The following EYA1 variants were observed in gnomAD, a reference collection of about 807,000 sequenced individuals.
EYA1 encodes protein phosphatase EYA1.
EYA1 carries 16 observed loss-of-function variants against 82.0 expected under a neutral mutation model. The observed-to-expected ratio is 0.20, with a 90% CI of 0.13 to 0.30. EYA1 has a LOEUF of 0.30. EYA1 is among the 10% of genes least tolerant of loss of function. EYA1 has a pLI of 1.00. For synonymous variants in EYA1, 261 were observed against 264.4 expected (o/e 0.99, Z 0.12); for missense variants, 633 against 730.7 (o/e 0.87, Z 1.54).
chr8:71,357,914 G>C (rs1345862518), intron 1 of EYA1, among the ~76,000 whole-genome samples: 1 of 151,482 alleles, frequency 6.6e-6, no homozygotes, highest in East Asian at 1.9e-4. Context: ...TCTCACACAA[G>C]TTTAAGTGGT....
At chr8:71,417,670 G>T (rs546078101) in intron 2 of EYA1, among the ~76,000 whole-genome samples, 5 of 152,218 alleles carry the variant, frequency 3.3e-5, no homozygotes, top group African/African-American at 1.2e-4. Flanking sequence ...TAGACACAAG[G>T]GTTCCTGCTG....
At chr8:71,368,164 T>G (rs908422589) in intron 2 of EYA1, among the ~76,000 whole-genome samples, 3 of 152,126 alleles carry the variant, frequency 2.0e-5, no homozygotes, top group Non-Finnish European at 4.4e-5. Context: ...GATTTTTGAG[T>G]TAGTATGTTT....
At chr8:71,263,837 T>A (rs539187281) in intron 11 of EYA1, among the ~76,000 whole-genome samples, 49 of 152,324 alleles carry the variant, frequency 3.2e-4, no homozygotes, top group Non-Finnish European at 5.3e-4. Flanking sequence ...ATAAACCAGA[T>A]TTGACCTATG....
chr8:71,397,501 C>T (rs984475325), intron 2 of EYA1, among the ~76,000 whole-genome samples: 1 of 152,180 alleles, frequency 6.6e-6, no homozygotes. Flanking sequence ...CAAAATCTCT[C>T]AGCACTTATT....
chr8:71,537,443 C>A (rs1011045164), intron 1 of EYA1, among the ~76,000 whole-genome samples: 1 of 152,156 alleles, frequency 6.6e-6, no homozygotes, highest in Admixed American at 6.5e-5. Context: ...TACAGAATAT[C>A]CTAGACTGTT....
chr8:71,517,708 T>TAC (rs1491444693), intron 2 of EYA1, among the ~76,000 whole-genome samples: 1 of 47,902 alleles, frequency 2.1e-5, no homozygotes, highest in Non-Finnish European at 4.5e-5. Context: ...GAAAACATAC[T>TAC]ATATATATAT....
At chr8:71,470,803 T>A in intron 2 of EYA1, 1 of 446,938 alleles carries the variant, frequency 2.2e-6, no homozygotes, top group Non-Finnish European at 4.4e-6. Context: ...GTATGTAGCA[T>A]TAAAAATAAA....
chr8:71,437,682 C>T (rs1033797251), intron 2 of EYA1, among the ~76,000 whole-genome samples: 2 of 151,754 alleles, frequency 1.3e-5, no homozygotes, highest in East Asian at 3.9e-4. Context: ...AAAAGCCCAA[C>T]AAATTTTATT....
At chr8:71,424,394 G>T in intron 2 of EYA1, among the ~76,000 whole-genome samples, 1 of 152,186 alleles carries the variant, frequency 6.6e-6, no homozygotes, top group East Asian at 1.9e-4. Context: ...CAAAATTAAA[G>T]TTCTAATACT....
At chr8:71,329,232 C>T (rs1823523691) in intron 4 of EYA1, among the ~76,000 whole-genome samples, 1 of 152,182 alleles carries the variant, frequency 6.6e-6, no homozygotes, top group Admixed American at 6.5e-5. Context: ...CCCCTGACAT[C>T]CCTATCTTTT....
intron 12 of EYA1, among the ~76,000 whole-genome samples, chr8:71,223,069 C>G (rs1484443282): frequency 2.6e-5 from 4 of 152,154 alleles, no homozygotes; most frequent in Non-Finnish European, 5.9e-5. Flanking sequence ...AAAATGCTCC[C>G]AGAAGGAGAG....
At chr8:71,272,281 C>T (rs1019138483) in intron 9 of EYA1, among the ~76,000 whole-genome samples, 2 of 152,090 alleles carry the variant, frequency 1.3e-5, no homozygotes, top group Non-Finnish European at 2.9e-5. Context: ...CTGTGGCTCT[C>T]TCAGCTACAA....
In EYA1 at chr8:71,321,782, A is replaced by G; in HGVS notation, c.370T>C (p.Tyr124His). Residue 124 changes from tyrosine (Y) to histidine (H), a missense_variant, in exon 6 of 18, where the codon TAT (tyrosine) becomes CAT (histidine). Physicochemically the swap from Tyr to His is moderately conservative, Grantham distance 83 (BLOSUM62 2). Coordinates refer to ENST00000340726, the MANE Select transcript of EYA1 (RefSeq NM_000503.6). ...FTTGMQQATAYATYPQPGQPY... is the reference protein window; with the variant it reads ...FTTGMQQATAHATYPQPGQPY... Reference sequence around the variant, plus strand: ...TGTCCTGGCTGTGGGTACGTGGCATAGGCTGTAGCTTGTTGCATTCCTGTG... The same window carrying G: ...TGTCCTGGCTGTGGGTACGTGGCATGGGCTGTAGCTTGTTGCATTCCTGTG... The G allele has an allele frequency of 6.2e-7, 1 of 1,614,250 alleles. No individual in the cohort carries two copies. The highest frequency in any genetic ancestry group is 1.1e-5 in the South Asian group (1 of 91,092).
intron 2 of EYA1, among the ~76,000 whole-genome samples, chr8:71,393,755 C>CGT (rs954549585): frequency 9.9e-4 from 151 of 152,266 alleles, no homozygotes; most frequent in African/African-American, 3.5e-3. Context: ...AATAAACATA[C>CGT]GTGTGCATGT....
At chr8:71,417,333 A>C (rs1563593746) in intron 2 of EYA1, among the ~76,000 whole-genome samples, 1 of 152,170 alleles carries the variant, frequency 6.6e-6, no homozygotes, top group Non-Finnish European at 1.5e-5. Context: ...GTAGGGGGCA[A>C]TTTTGCCCCT....
chr8:71,265,588 A>C (rs2128939603), intron 11 of EYA1, among the ~76,000 whole-genome samples: 1 of 152,324 alleles, frequency 6.6e-6, no homozygotes, highest in South Asian at 2.1e-4. Flanking sequence ...CTCCCACAGG[A>C]GGGGGACCAT....
At chr8:71,480,467 G>A (rs7013260) in intron 2 of EYA1, among the ~76,000 whole-genome samples, 21,751 of 151,830 alleles carry the variant, frequency 0.14, 2,736 homozygotes, top group East Asian at 0.47. Context: ...TTGTACACAC[G>A]CATTGTCTTA....
intron 3 of EYA1, among the ~76,000 whole-genome samples, chr8:71,344,137 A>G (rs556295329): frequency 2.4e-4 from 36 of 152,170 alleles, no homozygotes; most frequent in Non-Finnish European, 5.0e-4. Flanking sequence ...GACTTTTTAT[A>G]AAGTAAAATT....
At chr8:71,363,724 A>G (rs909396228), upstream of EYA1, among the ~76,000 whole-genome samples, 8 of 152,320 alleles carry the variant, frequency 5.3e-5, no homozygotes, top group South Asian at 1.7e-3. Flanking sequence ...TGGTAATTCA[A>G]TCTGATATCA....
Sources: gnomAD v4.1 joint callset for allele counts (sites outside exome capture counted in the v4.1 genomes callset) on GRCh38, gnomAD v4.1.1 for gene constraint, MANE v1.5 for transcripts, NCBI Gene and HGNC (gene_info 2026-07-23, HGNC 2026-07-21) for gene names.